SIDT1: variants seen among roughly 807,000 people sequenced by gnomAD.
The protein encoded by SIDT1 is SID1 transmembrane family member 1.
In SIDT1, 101 loss-of-function variants were observed where a neutral mutation model predicts 107.5. The ratio of observed to expected loss-of-function variants is 0.94; its 90% CI spans 0.80 to 1.11. SIDT1 has a LOEUF of 1.11. Among genes scored for constraint, SIDT1 ranks in the 50% least tolerant of loss-of-function variants. SIDT1 has a pLI of 0.00. For missense variants in SIDT1, 1,076 were observed against 1,058.2 expected (o/e 1.02, Z -0.23); for synonymous variants, 395 against 398.2 (o/e 0.99, Z 0.10).
At chr3:113,559,945 G>A (rs1268451259) in intron 1 of SIDT1, among the ~76,000 whole-genome samples, 1 of 152,150 alleles carries the variant, frequency 6.6e-6, no homozygotes, top group Non-Finnish European at 1.5e-5. Flanking sequence ...AATAATAGAT[G>A]ATCCAGAGTT....
intron 5 of SIDT1, 56 bp downstream of exon 5, chr3:113,580,765 C>T: frequency 8.9e-7 from 1 of 1,124,450 alleles, no homozygotes; most frequent in South Asian, 1.3e-5. Flanking sequence ...TATTCCAGAA[C>T]AAATGAAAGA....
At chr3:113,537,403 C>T (rs921806875) in intron 1 of SIDT1, among the ~76,000 whole-genome samples, 1 of 152,200 alleles carries the variant, frequency 6.6e-6, no homozygotes, top group Non-Finnish European at 1.5e-5. Flanking sequence ...CATGTGGACA[C>T]TCCAGTGGTA....
intron 13 of SIDT1, among the ~76,000 whole-genome samples, 159 bp downstream of exon 13, chr3:113,604,192 C>T (rs972721849): frequency 2.0e-5 from 3 of 152,202 alleles, no homozygotes; most frequent in African/African-American, 7.2e-5. Flanking sequence ...AATGGCCACA[C>T]ACATGGACAC....
intron 19 of SIDT1, among the ~76,000 whole-genome samples, chr3:113,612,865 T>C (rs904018778): frequency 1.3e-5 from 2 of 152,152 alleles, no homozygotes; most frequent in East Asian, 3.8e-4. Context: ...TCAAGGCAAA[T>C]TATTATATAT....
rs185113645 is a variant in SIDT1, at chr3:113,558,770, C to T, written c.223-7650C>T. On this transcript the variant is annotated intron_variant, in intron 1 of 24. Transcript: ENST00000264852. The stretch of plus-strand genomic sequence containing the variant: ...GGAGACTTGTGTCTTCTCCCAGTAT[C>T]GATGACGCTGTGGCAAAGGGGTAAA... Among the ~76,000 whole-genome samples the T allele has an allele frequency of 1.2e-3, 178 of 152,298 alleles. 1 individual carries two copies. The highest frequency in any genetic ancestry group is 3.2e-3 in the African/African-American group (134 of 41,558).
chr3:113,615,906 G>A (rs1946068590), intron 19 of SIDT1, 194 bp from the exon 20 acceptor site: 8 of 613,940 alleles, frequency 1.3e-5, no homozygotes, highest in Non-Finnish European at 2.4e-5. Flanking sequence ...GTAATGCACA[G>A]ATATGGCATC....
chr3:113,588,787 A>G (rs908969974), intron 9 of SIDT1: 5 of 150,718 alleles, frequency 3.3e-5, no homozygotes, highest in African/African-American at 1.2e-4. Context: ...TGTATTCGTT[A>G]TCTATTACCA....
In SIDT1 at chr3:113,608,571, A is replaced by G. The variant is rs1421445961; in HGVS notation, c.1720+35A>G. 4.1e-6 allele frequency: 6 copies of G among 1,446,902 alleles called. No homozygotes were observed. In the South Asian group the frequency reaches 5.7e-5, roughly 14 times the overall value. 89.6% of individuals were successfully genotyped at this position (1,446,902 alleles called of 1,614,324 possible). On this transcript the variant is annotated intron_variant, in intron 17 of 24. Coordinates refer to ENST00000264852, the MANE Select transcript of SIDT1 (RefSeq NM_017699.3). The stretch of plus-strand genomic sequence containing the variant: ...ACTTATATCTACTATACAGATTTGA[A>G]TCGTCAGTCTTATCCTGGAACCCTC...
rs1233206039 is a variant in SIDT1 at position 113,607,112 on chromosome 3, G to C, written c.1476G>C (p.Leu492=). 6.2e-7 allele frequency: 1 copy of C among 1,606,620 alleles called. No homozygotes were observed. Among genetic ancestry groups the C allele is most frequent in the Admixed American group, 1.7e-5 (1 of 59,986 alleles). ...TCTGTGCTCACCCCTTGGGCGTCCT[G>C]AGGTAAACCCAGTCCTCTGGTTGCC... The part of the protein sequence containing the change: ...NFLCAHPLGV[L]SAFNNILSNL... The change falls in exon 15 of 25, where the codon CTG becomes CTC. Residue 492 remains leucine (L), a splice_region_variant and synonymous_variant. Transcript: ENST00000264852.
At chr3:113,621,277 G>A (rs917081317) in intron 21 of SIDT1, among the ~76,000 whole-genome samples, 20 of 152,106 alleles carry the variant, frequency 1.3e-4, no homozygotes, top group Non-Finnish European at 2.9e-5. Context: ...CAAAATCTGG[G>A]AGAAGAAAAT....
chr3:113,576,757 A>G (rs1942934349), intron 3 of SIDT1, among the ~76,000 whole-genome samples, 165 bp from the exon 4 acceptor site: 1 of 152,224 alleles, frequency 6.6e-6, no homozygotes, highest in Non-Finnish European at 1.5e-5. Context: ...GTCCCCATGC[A>G]GTCTACTTTG....
chr3:113,600,192 C>T (rs891729686), intron 10 of SIDT1, among the ~76,000 whole-genome samples: 1 of 151,890 alleles, frequency 6.6e-6, no homozygotes. Flanking sequence ...CACCTGTAGT[C>T]CCAGCTACTC....
At chr3:113,553,034 GGGGGAAAAGCT>G (rs1404893741) in intron 1 of SIDT1, among the ~76,000 whole-genome samples, 1 of 152,168 alleles carries the variant, frequency 6.6e-6, no homozygotes. Flanking sequence ...AGATGTGACA[GGGGGAAAAGCT>G]GGGGTGTTGC....
At position 113,626,153 on chromosome 3, in the gene SIDT1, T is replaced by G; in HGVS notation, c.2359T>G (p.Phe787Val). 1 of 1,614,182 alleles carries G rather than the reference T, an allele frequency of 6.2e-7. No homozygotes were observed. Among genetic ancestry groups the G allele is most frequent in the Non-Finnish European group, 8.5e-7 (1 of 1,180,016 alleles). The change falls in exon 24 of 25, where the codon TTC (phenylalanine) becomes GTC (valine). Residue 787 changes from phenylalanine to valine, a missense_variant. By Grantham distance (50) the Phe-to-Val change is conservative (BLOSUM62 -1). Coordinates refer to ENST00000264852, the MANE Select transcript of SIDT1 (RefSeq NM_017699.3). ...EKNRECILLD[F>V]FDDHDIWHFL... ...GAACCGCGAGTGCATTCTGCTGGATTTCTTCGATGACCATGACATCTGGCA... is the reference window on the plus strand; with the variant it reads ...GAACCGCGAGTGCATTCTGCTGGATGTCTTCGATGACCATGACATCTGGCA...
At chr3:113,562,750 G>T in intron 1 of SIDT1, among the ~76,000 whole-genome samples, 1 of 152,106 alleles carries the variant, frequency 6.6e-6, no homozygotes, top group East Asian at 1.9e-4. Context: ...TTCTTTTCGG[G>T]GTGAGAAAAA....
At chr3:113,571,946 A>ACAC (rs1942499079) in intron 3 of SIDT1, among the ~76,000 whole-genome samples, 11 of 151,654 alleles carry the variant, frequency 7.3e-5, no homozygotes, top group African/African-American at 2.7e-4. Context: ...CACACACACA[A>ACAC]AAAAAATTAA....
chr3:113,567,829 T>G (rs1438086085), intron 3 of SIDT1, 119 bp downstream of exon 3: 4 of 1,063,818 alleles, frequency 3.8e-6, no homozygotes, highest in Non-Finnish European at 5.5e-6. Context: ...GCATATGATT[T>G]TAGCACTTCC....
chr3:113,601,045 C>T (rs1271357676), intron 10 of SIDT1, among the ~76,000 whole-genome samples: 1 of 152,158 alleles, frequency 6.6e-6, no homozygotes, highest in East Asian at 1.9e-4. Flanking sequence ...CTTGGCTAAA[C>T]CACCAAAGAA....
chr3:113,634,040 G>A (rs537556570), downstream of SIDT1, among the ~76,000 whole-genome samples: 32 of 152,308 alleles, frequency 2.1e-4, no homozygotes, highest in African/African-American at 7.0e-4. Context: ...AGAAAAATAA[G>A]GTGATATAAC....
Sources: allele counts gnomAD v4.1 joint callset (sites outside exome capture counted in the v4.1 genomes callset), GRCh38; gene constraint gnomAD v4.1.1; transcripts MANE v1.5; gene names NCBI Gene and HGNC (gene_info 2026-07-23, HGNC 2026-07-21).